Variants in ARHGEF4 observed in about 807,000 individuals in gnomAD.
ARHGEF4 encodes APC-stimulated guanine nucleotide exchange factor 1.
In ARHGEF4, 119 loss-of-function variants were observed where a neutral mutation model predicts 162.0. The ratio of observed to expected loss-of-function variants is 0.73; its 90% confidence interval spans 0.63 to 0.86. The LOEUF (loss-of-function observed/expected upper bound fraction) is 0.86, where lower values mean the gene tolerates loss of function less well. ARHGEF4 is among the 40% of genes least tolerant of loss of function. ARHGEF4 has a pLI of 0.00. For synonymous variants in ARHGEF4, 1,014 were observed against 979.9 expected (o/e 1.03, Z -0.65); for missense variants, 2,488 against 2,456.0 (o/e 1.01, Z -0.28).
chr2:130,967,541 G>A (rs927198182), intron 4 of ARHGEF4, among the ~76,000 whole-genome samples: 2 of 152,184 alleles, frequency 1.3e-5, no homozygotes, highest in Non-Finnish European at 2.9e-5. Context: ...TGGTGGAGAA[G>A]CCATGCTGCT....
chr2:130,951,485 A>G (rs904773720), intron 4 of ARHGEF4, among the ~76,000 whole-genome samples: 5 of 152,152 alleles, frequency 3.3e-5, no homozygotes, highest in Non-Finnish European at 5.9e-5. Flanking sequence ...AGAGGAATGG[A>G]TGGTCGGTGG....
intron 4 of ARHGEF4, among the ~76,000 whole-genome samples, chr2:131,007,979 A>T (rs1379833760): frequency 6.6e-6 from 1 of 151,234 alleles, no homozygotes; most frequent in Non-Finnish European, 1.5e-5. Flanking sequence ...CGCCCAGCTA[A>T]TTTTTGTATT....
rs1387963566 is a variant in ARHGEF4 at position 130,916,219 on chromosome 2, G to C, written c.2273G>C (p.Gly758Ala). 6.5e-6 allele frequency: 10 copies of C among 1,543,380 alleles called. No individual in the cohort carries two copies. Among genetic ancestry groups the C allele is most frequent in the African/African-American group, 4.1e-5 (3 of 72,552 alleles). Reference protein sequence around the residue: ...ERGPEEAPEGGAAAARGQRPR... With the variant: ...ERGPEEAPEGAAAAARGQRPR... ...GGCCCGGAGGAGGCCCCCGAAGGCG[G>C]TGCTGCAGCAGCCCGGGGCCAGCGC... Residue 758 changes from glycine (G) to alanine (A), a missense_variant, in exon 2 of 14, where the codon GGT becomes GCT. Gly to Ala is a moderately conservative substitution (Grantham distance 60). This residue lies in a region of ARHGEF4 where 1,642 missense variants were observed against 1,481.5 expected (regional missense o/e 1.11). Transcript: ENST00000409359.
At chr2:130,954,597 C>G (rs1684157021) in intron 4 of ARHGEF4, among the ~76,000 whole-genome samples, 1 of 152,216 alleles carries the variant, frequency 6.6e-6, no homozygotes, top group Non-Finnish European at 1.5e-5. Flanking sequence ...ACATTTAACA[C>G]ACTATCCCAC....
At chr2:130,920,853 C>T (rs1681830683) in intron 2 of ARHGEF4, among the ~76,000 whole-genome samples, 1 of 152,178 alleles carries the variant, frequency 6.6e-6, no homozygotes, top group African/African-American at 2.4e-5. Flanking sequence ...TGTGACTTTA[C>T]ATCCTGCAGT....
intron 3 of ARHGEF4, among the ~76,000 whole-genome samples, chr2:130,946,012 A>G (rs1683591708): frequency 6.6e-6 from 1 of 152,224 alleles, no homozygotes; most frequent in Non-Finnish European, 1.5e-5. Context: ...TCTCTGGACA[A>G]TGGGATGATA....
At chr2:130,926,040 C>CTTTCTTTCTTTCTTTCTTT (rs1201289023) in intron 2 of ARHGEF4, among the ~76,000 whole-genome samples, 1 of 109,912 alleles carries the variant, frequency 9.1e-6, no homozygotes, top group Admixed American at 8.4e-5. Context: ...TTCTTTCTTT[C>CTTTCTTTCTTTCTTTCTTT]TTTCTTTCTC....
At chr2:130,901,257 C>T (rs1212811704) in intron 1 of ARHGEF4, among the ~76,000 whole-genome samples, 1 of 152,182 alleles carries the variant, frequency 6.6e-6, no homozygotes. Context: ...ACACAGGCTG[C>T]TGACATAGCC....
chr2:130,848,939 T>C (rs1481678123), intron 1 of ARHGEF4, among the ~76,000 whole-genome samples: 1 of 152,106 alleles, frequency 6.6e-6, no homozygotes, highest in Non-Finnish European at 1.5e-5. Context: ...TTGGAGAGGC[T>C]AAGCGGGCCC....
At chr2:130,935,480 A>G (rs1682889586) in intron 3 of ARHGEF4, among the ~76,000 whole-genome samples, 1 of 152,146 alleles carries the variant, frequency 6.6e-6, no homozygotes, top group Admixed American at 6.6e-5. Context: ...TATTGATTTG[A>G]GAAATTCTTT....
intron 2 of ARHGEF4, among the ~76,000 whole-genome samples, chr2:130,926,052 T>TTCTTTCTTTCTTTCTTTCTCTCTCTC (rs1682258688): frequency 3.1e-5 from 3 of 98,278 alleles, no homozygotes; most frequent in African/African-American, 1.2e-4. Context: ...TTCTTTCTCT[T>TTCTTTCTTTCTTTCTTTCTCTCTCTC]TCTTTCTTTC....
At chr2:130,948,853 T>A in intron 4 of ARHGEF4, among the ~76,000 whole-genome samples, 1 of 152,214 alleles carries the variant, frequency 6.6e-6, no homozygotes, top group Non-Finnish European at 1.5e-5. Context: ...GTTTTCCTAT[T>A]TTGTAAGGAT....
At chr2:131,018,279 A>G (rs2105347073) in intron 4 of ARHGEF4, among the ~76,000 whole-genome samples, 1 of 152,348 alleles carries the variant, frequency 6.6e-6, no homozygotes, top group Admixed American at 6.5e-5. Flanking sequence ...GACCATACTA[A>G]GGATGAACTG....
rs987876907 is a variant in ARHGEF4 at position 131,008,877 on chromosome 2, T to A, written c.3986-19068T>A. 2.4e-4 allele frequency among the ~76,000 whole-genome samples: 36 copies of A among 152,236 alleles called. 1 individual carries two copies. The highest frequency in any genetic ancestry group is 5.0e-4 in the Non-Finnish European group (34 of 68,046). The stretch of plus-strand genomic sequence containing the variant: ...TGTCATTTATATGCTCATCTACATG[T>A]ACTATAAGCCCCACAATATAATGTT... On this transcript the variant is annotated intron_variant, in intron 4 of 13. Coordinates refer to ENST00000409359, the MANE Select transcript of ARHGEF4 (RefSeq NM_001367493.1).
chr2:131,046,475 G>A lies in ARHGEF4; in HGVS notation c.*286G>A. On this transcript the variant is annotated 3_prime_UTR_variant, in exon 14 of 14. Coordinates refer to ENST00000409359, the MANE Select transcript of ARHGEF4 (RefSeq NM_001367493.1). The stretch of plus-strand genomic sequence containing the variant: ...TGGACCTGTGTAGGGCCTCACTGCT[G>A]GAGCGGGGAAACCGCAGCTCAGCCC... 2.7e-6 allele frequency: 1 copy of A among 373,432 alleles called. No individual in the cohort carries two copies. The highest frequency in any genetic ancestry group is 4.8e-6 in the Non-Finnish European group (1 of 206,660). 23.1% of individuals were successfully genotyped at this position (373,432 alleles called of 1,614,324 possible).
intron 1 of ARHGEF4, among the ~76,000 whole-genome samples, chr2:130,845,934 A>G (rs551276667): frequency 6.6e-6 from 1 of 152,378 alleles, no homozygotes; most frequent in Admixed American, 6.5e-5. Context: ...CGTGGGCGGA[A>G]GCCAGAGGGC....
chr2:130,995,084 T>C (rs1478755699), intron 4 of ARHGEF4, among the ~76,000 whole-genome samples: 1 of 152,254 alleles, frequency 6.6e-6, no homozygotes, highest in East Asian at 1.9e-4. Flanking sequence ...GTCACTTATT[T>C]TGGAAAATTC....
rs1334913907 is a variant in ARHGEF4 at position 131,040,145 on chromosome 2, C to T, written c.4435C>T (p.Leu1479Phe). 2 of 1,613,302 alleles carry T rather than the reference C, an allele frequency of 1.2e-6. No individual in the cohort carries two copies. The highest frequency in any genetic ancestry group is 8.5e-7 in the Non-Finnish European group (1 of 1,179,788). The part of the protein sequence containing the change: ...QMRTNVINEI[L>F]STERDYIKHL... ...GCGGACCAACGTCATCAACGAGATC[C>T]TCAGCACTGAGCGGGACTACATCAA... Residue 1479 changes from leucine (L) to phenylalanine (F), a missense_variant, in exon 7 of 14, where the codon CTC becomes TTC. Around this residue, in one of 6 missense-constraint regions of ARHGEF4, gnomAD observed 174 missense variants for 148.3 expected, o/e 1.17. Coordinates refer to ENST00000409359, the MANE Select transcript of ARHGEF4 (RefSeq NM_001367493.1).
Position 131,041,927 on chromosome 2 carries a change from T to A in ARHGEF4, c.5008T>A (p.Ser1670Thr). Residue 1670 changes from serine (S) to threonine (T), a missense_variant, in exon 10 of 14, where the codon TCC (serine) becomes ACC (threonine). By Grantham distance (58) the Ser-to-Thr change is moderately conservative. Coordinates refer to ENST00000409359, the MANE Select transcript of ARHGEF4 (RefSeq NM_001367493.1). ...CGACAAGATTGCTCAGTGGCAGAGC[T>A]CCATAGAGGACTGGGAGGTGAGGGC... is the stretch of plus-strand genomic sequence containing the variant. ...NIDKIAQWQS[S>T]IEDWEGEDLL... The A allele has an allele frequency of 6.2e-7, 1 of 1,613,402 alleles. No homozygotes were observed.
Sources: allele counts gnomAD v4.1 joint callset (sites outside exome capture counted in the v4.1 genomes callset), GRCh38; gene constraint gnomAD v4.1.1; regional missense constraint gnomAD v4.1.1; transcripts MANE v1.5; gene names NCBI Gene and HGNC (gene_info 2026-07-23, HGNC 2026-07-21).